The following WDR27 variants were observed in gnomAD, a reference collection of about 807,000 sequenced individuals.
WDR27 encodes WD repeat domain 27.
In WDR27, 100 loss-of-function variants were observed where a neutral mutation model predicts 114.4. That is an observed-to-expected ratio of 0.87 (90% confidence interval 0.74 to 1.03). WDR27 has a LOEUF of 1.03. WDR27 is among the 50% of genes least tolerant of loss of function. WDR27 has a pLI of 0.00. For synonymous variants in WDR27, 449 were observed against 423.1 expected, an observed-to-expected ratio of 1.06 and a Z score of -0.75; for missense variants, 1,129 against 1,092.9, an observed-to-expected ratio of 1.03 and a Z score of -0.47.
chr6:169,488,931 C>G (rs1789333434), intron 25 of WDR27, among the ~76,000 whole-genome samples: 1 of 147,908 alleles, frequency 6.8e-6, no homozygotes, highest in South Asian at 2.1e-4. Flanking sequence ...CGTCAAATGG[C>G]ACATTTGATG....
chr6:169,444,607 G>A, the WDR27 span, among the ~76,000 whole-genome samples: 3 of 151,990 alleles, frequency 2.0e-5, no homozygotes, highest in African/African-American at 7.2e-5. Context: ...CCAGTGATTG[G>A]TGCCTTCACT....
intron 25 of WDR27, among the ~76,000 whole-genome samples, chr6:169,472,810 C>T (rs1230512289): frequency 6.6e-6 from 1 of 152,118 alleles, no homozygotes. Context: ...AGTGAAACTG[C>T]ATTTATTTAA....
At chr6:169,479,738 G>A (rs1038752964) in intron 25 of WDR27, among the ~76,000 whole-genome samples, 1 of 152,150 alleles carries the variant, frequency 6.6e-6, no homozygotes, top group Non-Finnish European at 1.5e-5. Flanking sequence ...TTAACTTCAG[G>A]TTACAAGTGC....
intron 23 of WDR27, among the ~76,000 whole-genome samples, chr6:169,592,423 C>T (rs1050964770): frequency 2.3e-4 from 35 of 152,114 alleles, no homozygotes; most frequent in African/African-American, 8.2e-4. Context: ...TTGTTAATAC[C>T]GGAATGGTTT....
intron 25 of WDR27, among the ~76,000 whole-genome samples, chr6:169,482,279 A>T (rs548381185): frequency 7.9e-5 from 12 of 152,328 alleles, no homozygotes; most frequent in African/African-American, 2.9e-4. Flanking sequence ...GAGTCTCTAT[A>T]ATAGAATAAT....
At chr6:169,600,903 CAGG>C (rs1807852495) in intron 23 of WDR27, among the ~76,000 whole-genome samples, 1 of 152,142 alleles carries the variant, frequency 6.6e-6, no homozygotes, top group South Asian at 2.1e-4. Context: ...CGATGTTATC[CAGG>C]AGAACTTCCC....
At chr6:169,623,728 T>C (rs1438150862) in intron 21 of WDR27, among the ~76,000 whole-genome samples, 1 of 152,210 alleles carries the variant, frequency 6.6e-6, no homozygotes, top group African/African-American at 2.4e-5. Flanking sequence ...AATTGACCCA[T>C]AAGAACTGCA....
chr6:169,660,521 C>T (rs1325951568), intron 10 of WDR27, 142 bp downstream of exon 10: 11 of 708,772 alleles, frequency 1.6e-5, no homozygotes, highest in Admixed American at 2.2e-5. Flanking sequence ...GAGGTGCTCA[C>T]GTGCTCAATG....
chr6:169,513,047 C>T (rs1317774608), intron 25 of WDR27, among the ~76,000 whole-genome samples: 5 of 152,174 alleles, frequency 3.3e-5, no homozygotes, highest in Admixed American at 2.0e-4. Flanking sequence ...CCATAAACTA[C>T]TCTCAAACTT....
chr6:169,577,578 C>A (rs1047747981), intron 24 of WDR27, among the ~76,000 whole-genome samples: 1 of 152,098 alleles, frequency 6.6e-6, no homozygotes, highest in Admixed American at 6.5e-5. Context: ...CGAAGCAGGA[C>A]GACGGCGCCT....
intron 2 of WDR27, among the ~76,000 whole-genome samples, chr6:169,686,908 T>C (rs1347289505): frequency 2.0e-5 from 3 of 152,152 alleles, no homozygotes; most frequent in Non-Finnish European, 4.4e-5. Flanking sequence ...AAATATCACA[T>C]GTTCTTACTC....
chr6:169,676,926 C>T (rs781109522), intron 2 of WDR27, among the ~76,000 whole-genome samples: 7 of 152,160 alleles, frequency 4.6e-5, no homozygotes, highest in African/African-American at 7.2e-5. Flanking sequence ...CAAGACTGTG[C>T]CTTGGGCCTC....
chr6:169,668,055 G>T lies in WDR27; in HGVS notation c.587C>A (p.Pro196Gln). The T allele has an allele frequency of 6.2e-7, 1 of 1,614,000 alleles. No homozygotes were observed. The highest frequency in any genetic ancestry group is 1.1e-5 in the South Asian group (1 of 91,086). ...GGGACAGAACTCCACCGCAGTCACC[G>T]GGCCCAGGTGGCCCTGCAGCTCGGC... is the stretch of plus-strand genomic sequence containing the variant. ...VRAELQGHLG[P>Q]VTAVEFCPWR... Residue 196 changes from proline to glutamine, a missense_variant, in exon 5 of 26, where the codon CCG becomes CAG. Physicochemically the swap from Pro to Gln is moderately conservative, Grantham distance 76. Transcript: ENST00000448612.
At chr6:169,435,987 C>G in the WDR27 span, among the ~76,000 whole-genome samples, 1 of 152,102 alleles carries the variant, frequency 6.6e-6, no homozygotes, top group Non-Finnish European at 1.5e-5. Context: ...TTATGTTTTA[C>G]TCATAATTAA....
At chr6:169,447,915 A>G in the WDR27 span, among the ~76,000 whole-genome samples, 5 of 152,194 alleles carry the variant, frequency 3.3e-5, no homozygotes, top group African/African-American at 1.2e-4. Context: ...GTTGGATTTT[A>G]TACTTACTTC....
At chr6:169,502,207 G>A (rs76675635) in intron 25 of WDR27, among the ~76,000 whole-genome samples, 18,249 of 152,244 alleles carry the variant, frequency 0.12, 1,115 homozygotes, top group Middle Eastern at 0.17. Flanking sequence ...CACGCCTGAC[G>A]CTCTGGCGGG....
At chr6:169,700,574 G>A (rs1197689490) in intron 1 of WDR27, among the ~76,000 whole-genome samples, 3 of 152,042 alleles carry the variant, frequency 2.0e-5, no homozygotes, top group African/African-American at 7.3e-5. Flanking sequence ...GAATTCAGAG[G>A]GCCTAAGGAA....
At chr6:169,686,231 A>G (rs1268232138) in intron 2 of WDR27, among the ~76,000 whole-genome samples, 1 of 152,192 alleles carries the variant, frequency 6.6e-6, no homozygotes, top group Non-Finnish European at 1.5e-5. Context: ...GATATCCACC[A>G]TCATGAAAAC....
At chr6:169,560,070 G>A (rs942500151) in intron 25 of WDR27, 2 of 152,140 alleles carry the variant, frequency 1.3e-5, no homozygotes, top group African/African-American at 4.8e-5. Context: ...GTTTGGCTGT[G>A]TCCCCACCCA....
Sources: gnomAD v4.1 joint callset for allele counts (sites outside exome capture counted in the v4.1 genomes callset) on GRCh38, gnomAD v4.1.1 for gene constraint, MANE v1.5 for transcripts, NCBI Gene and HGNC (gene_info 2026-07-23, HGNC 2026-07-21) for gene names.